THSD7A: variants seen among roughly 807,000 people sequenced by gnomAD.
THSD7A encodes the protein thrombospondin type 1 domain containing 7A.
A neutral mutation model predicts 231.3 loss-of-function variants in THSD7A; 96 were observed. That is an observed-to-expected ratio of 0.41 (90% confidence interval 0.35 to 0.49). THSD7A has a LOEUF of 0.49. Among genes scored for constraint, THSD7A ranks in the 20% least tolerant of loss-of-function variants. The pLI is 0.05. For synonymous variants in THSD7A, 940 were observed against 743.3 expected (o/e 1.26, Z -4.30); for missense variants, 2,290 against 2,070.2 (o/e 1.11, Z -2.06).
At chr7:11,595,210 A>G (rs752999653) in intron 2 of THSD7A, among the ~76,000 whole-genome samples, 5 of 152,178 alleles carry the variant, frequency 3.3e-5, no homozygotes, top group Admixed American at 1.3e-4. Flanking sequence ...CTACAACTAG[A>G]CTAAAGTCCT....
intron 19 of THSD7A, among the ~76,000 whole-genome samples, chr7:11,410,100 TA>T (rs1222129286): frequency 6.6e-6 from 1 of 152,204 alleles, no homozygotes; most frequent in Non-Finnish European, 1.5e-5. Context: ...GTTATGAAAC[TA>T]AAATGATTCA....
chr7:11,480,476 C>A (rs1030822575), intron 7 of THSD7A, among the ~76,000 whole-genome samples: 1 of 152,224 alleles, frequency 6.6e-6, no homozygotes, highest in East Asian at 1.9e-4. Flanking sequence ...GAGTTTAAAG[C>A]CTTCATACAA....
At chr7:11,567,258 G>A (rs931783161) in intron 4 of THSD7A, among the ~76,000 whole-genome samples, 2 of 152,008 alleles carry the variant, frequency 1.3e-5, no homozygotes, top group South Asian at 2.1e-4. Flanking sequence ...GAGGAAGCAA[G>A]ACACTTCCCC....
chr7:11,694,052 G>A (rs1260914788), intron 1 of THSD7A, among the ~76,000 whole-genome samples: 1 of 151,434 alleles, frequency 6.6e-6, no homozygotes, highest in Non-Finnish European at 1.5e-5. Context: ...ATTTAAAAAT[G>A]TGCAGCTATA....
intron 23 of THSD7A, among the ~76,000 whole-genome samples, chr7:11,398,684 C>G (rs1783285433): frequency 6.6e-6 from 1 of 152,120 alleles, no homozygotes; most frequent in Admixed American, 6.6e-5. Context: ...GACCCTGACC[C>G]CAGCGATGGA....
At chr7:11,593,578 A>G in intron 2 of THSD7A, 76 bp from the exon 3 acceptor site, 1 of 1,526,800 alleles carries the variant, frequency 6.5e-7, no homozygotes, top group Non-Finnish European at 8.8e-7. Context: ...TCAAGAGTGA[A>G]TCAGCTTGGG....
intron 1 of THSD7A, chr7:11,821,089 T>C: frequency 2.0e-6 from 2 of 1,011,950 alleles, no homozygotes; most frequent in Non-Finnish European, 3.1e-6. Context: ...GAAATGTCTA[T>C]TGTCCTGTAA....
intron 13 of THSD7A, among the ~76,000 whole-genome samples, chr7:11,445,314 A>C (rs1261963618): frequency 2.0e-5 from 3 of 152,064 alleles, no homozygotes; most frequent in Non-Finnish European, 4.4e-5. Context: ...AGATGTATTA[A>C]AATAAAAGAA....
At chr7:11,601,724 G>A (rs540575235) in intron 2 of THSD7A, among the ~76,000 whole-genome samples, 1 of 152,240 alleles carries the variant, frequency 6.6e-6, no homozygotes, top group East Asian at 1.9e-4. Flanking sequence ...ATGACGGTGT[G>A]ACTTATGGTA....
chr7:11,394,835 G>T (rs1783119948), intron 23 of THSD7A, among the ~76,000 whole-genome samples: 1 of 152,118 alleles, frequency 6.6e-6, no homozygotes, highest in Admixed American at 6.5e-5. Context: ...GTCGGCCAGG[G>T]TCTGTGGGAC....
At chr7:11,458,648 T>A (rs1785392640) in intron 11 of THSD7A, among the ~76,000 whole-genome samples, 1 of 151,854 alleles carries the variant, frequency 6.6e-6, no homozygotes, top group South Asian at 2.1e-4. Context: ...AATGGAACAA[T>A]CAGAAAGATA....
rs1324076115 is a variant in THSD7A at position 11,481,969 on chromosome 7, G to C, written c.1836C>G (p.Asp612Glu). Residue 612 changes from aspartate (D) to glutamate (E), a missense_variant, in exon 7 of 28, where the codon GAC (aspartate) becomes GAG (glutamate). Asp to Glu is a conservative substitution (Grantham distance 45). Transcript: ENST00000423059. ...AGATGGCATCTCTGCACAGCTGTCT[G>C]TCAACTTCTTCTCCTGGGGAAAACA... ...VCINSDGEEVDRQLCRDAIFP... is the reference protein window; with the variant it reads ...VCINSDGEEVERQLCRDAIFP... 6.3e-7 allele frequency: 1 copy of C among 1,596,664 alleles called. No homozygotes were observed. The highest frequency in any genetic ancestry group is 1.3e-5 in the African/African-American group (1 of 74,438).
intron 6 of THSD7A, among the ~76,000 whole-genome samples, chr7:11,490,888 T>C (rs977380644): frequency 1.6e-4 from 24 of 152,236 alleles, no homozygotes; most frequent in African/African-American, 5.5e-4. Context: ...TTCCCATTCA[T>C]ATTAACTGAG....
chr7:11,587,222 G>A (rs1779945273), intron 4 of THSD7A, among the ~76,000 whole-genome samples: 1 of 152,130 alleles, frequency 6.6e-6, no homozygotes, highest in Admixed American at 6.6e-5. Flanking sequence ...CCTCCCCACA[G>A]GCAAGGCCTC....
rs760349311 is a variant in THSD7A, at chr7:11,375,802, C to T, written c.4966G>A (p.Asp1656Asn). 7 of 1,611,898 alleles carry T rather than the reference C, an allele frequency of 4.3e-6. No individual in the cohort carries two copies. The highest frequency in any genetic ancestry group is 1.6e-4 in the Middle Eastern group (1 of 6,072). The change falls in exon 28 of 28, where the codon GAC becomes AAC. Residue 1656 changes from aspartate (D) to asparagine (N), a missense_variant. By Grantham distance (23) the Asp-to-Asn change is conservative. Coordinates refer to ENST00000423059, the MANE Select transcript of THSD7A (RefSeq NM_015204.3). ...CCAGGAAAAGTTATATGTTACATGT[C>T]GGCATCTCCATCATAGGCTAAGGTT... The part of the protein sequence containing the change: ...PLTLAYDGDA[D>N]M
intron 2 of THSD7A, among the ~76,000 whole-genome samples, chr7:11,600,960 G>C (rs1780530959): frequency 6.6e-6 from 1 of 152,204 alleles, no homozygotes; most frequent in Non-Finnish European, 1.5e-5. Flanking sequence ...CCCTACAACA[G>C]AGAGGACCAA....
At chr7:11,660,340 C>T (rs1782883060) in intron 1 of THSD7A, among the ~76,000 whole-genome samples, 1 of 151,304 alleles carries the variant, frequency 6.6e-6, no homozygotes, top group Non-Finnish European at 1.5e-5. Context: ...AAAGCAAAGA[C>T]TTGCAGAAAA....
At chr7:11,635,854 A>G (rs780866694) in intron 2 of THSD7A, among the ~76,000 whole-genome samples, 6 of 152,082 alleles carry the variant, frequency 3.9e-5, no homozygotes, top group Non-Finnish European at 4.4e-5. Context: ...CTGTCTACAC[A>G]TAGAGAAGAA....
At chr7:11,478,751 C>A (rs1442486292) in intron 7 of THSD7A, among the ~76,000 whole-genome samples, 1 of 152,096 alleles carries the variant, frequency 6.6e-6, no homozygotes, top group African/African-American at 2.4e-5. Context: ...CCTGTTTTAT[C>A]TACTGGATTG....
Sources: gnomAD v4.1 joint callset for allele counts (sites outside exome capture counted in the v4.1 genomes callset) on GRCh38, gnomAD v4.1.1 for gene constraint, MANE v1.5 for transcripts, NCBI Gene and HGNC (gene_info 2026-07-23, HGNC 2026-07-21) for gene names.